ANKRD17: variants seen among roughly 807,000 people sequenced by gnomAD.
ANKRD17 encodes the protein ankyrin repeat domain-containing protein 17.
A neutral mutation model predicts 229.7 loss-of-function variants in ANKRD17; 19 were observed. That is an observed-to-expected ratio of 0.08 (90% confidence interval 0.06 to 0.12). ANKRD17 has a LOEUF of 0.12. Ranked by LOEUF, ANKRD17 falls within the 10% of genes least tolerant of loss-of-function variation. The pLI, the probability that ANKRD17 is intolerant of heterozygous loss-of-function variation, is 1.00. For synonymous variants in ANKRD17, 1,112 were observed against 1,146.1 expected, an observed-to-expected ratio of 0.97 and a Z score of 0.60; for missense variants, 2,176 against 3,176.8, an observed-to-expected ratio of 0.68 and a Z score of 7.57.
rs941919933 is a variant in ANKRD17 at position 73,221,969 on chromosome 4, C to T, written c.393+36307G>A. On this transcript the variant is annotated intron_variant, in intron 1 of 33. Transcript: ENST00000358602. ...CGCATAGGCTTTTTTCTCCTGCTAA[C>T]CCCGCCTAGCTTCCCTTTGCAGCTT... Among the ~76,000 whole-genome samples the T allele has an allele frequency of 2.6e-5, 4 of 152,228 alleles. 1 individual carries two copies. In the South Asian group the frequency reaches 6.2e-4, roughly 24 times the overall value.
intron 24 of ANKRD17, chr4:73,104,135 A>G (rs745552930): frequency 1.3e-5 from 2 of 152,188 alleles, no homozygotes; most frequent in Non-Finnish European, 2.9e-5. Flanking sequence ...AAAGATACAG[A>G]AACTGCCTGC....
chr4:73,173,482 G>C (rs1319859131), intron 2 of ANKRD17, among the ~76,000 whole-genome samples: 1 of 152,112 alleles, frequency 6.6e-6, no homozygotes, highest in Non-Finnish European at 1.5e-5. Flanking sequence ...CACTTGGATG[G>C]GCAGAATAGC....
chr4:73,157,473 T>C lies in ANKRD17; in HGVS notation c.705-1307A>G, dbSNP rs139825251. On this transcript the variant is annotated intron_variant, in intron 3 of 33. Transcript: ENST00000358602. ...CATAAACTTCCCAAAACAATTCCAA[T>C]TGTAGACATTTCTAAAGATTCTCAC... Among the ~76,000 whole-genome samples the C allele has an allele frequency of 3.4e-3, 524 of 152,278 alleles. 10 individuals carry two copies. The highest frequency in any genetic ancestry group is 0.023 in the Admixed American group (349 of 15,286).
rs1730043753 is a variant in ANKRD17 at position 73,144,782 on chromosome 4, A to G, written c.1920T>C (p.Ala640=). The G allele has an allele frequency of 6.2e-7, 1 of 1,606,068 alleles. No individual in the cohort carries two copies. Among genetic ancestry groups the G allele is most frequent in the Admixed American group, 1.7e-5 (1 of 58,806 alleles). Residue 640 remains alanine, a synonymous_variant, in exon 11 of 34, where the codon GCT becomes GCC. Transcript: ENST00000358602. The part of the protein sequence containing the change: ...GRTPLMKAAR[A]GHVCTVQFLI... ...AGAACTGAACAGTACAAACATGACC[A>G]GCTCTTGCAGCTTTCATTAAAGGAG... is the stretch of plus-strand genomic sequence containing the variant.
At chr4:73,204,162 T>C (rs917982585) in intron 1 of ANKRD17, among the ~76,000 whole-genome samples, 13 of 151,740 alleles carry the variant, frequency 8.6e-5, no homozygotes, top group African/African-American at 2.9e-4. Flanking sequence ...ACTGAGACCA[T>C]CCTGGTAACA....
chr4:73,258,791 C>T lies in ANKRD17; in HGVS notation c.-123G>A. 2.2e-6 allele frequency: 3 copies of T among 1,348,108 alleles called. No individual in the cohort carries two copies. The highest frequency in any genetic ancestry group is 2.8e-6 in the Non-Finnish European group (3 of 1,058,262). The allele number at this position is 1,348,108 out of a possible 1,614,324, so 83.5% of individuals were successfully genotyped here. ...GCCTCCGCCGCCACCGCCTCGGTCA[C>T]CTCTACTGCCGCCGCCGCCGCCGCC... On this transcript the variant is annotated 5_prime_UTR_variant, in exon 1 of 34. It adds an upstream start codon to the 5' untranslated region. Coordinates refer to ENST00000358602, the MANE Select transcript of ANKRD17 (RefSeq NM_032217.5).
chr4:73,149,109 T>A (rs571605786), intron 7 of ANKRD17, 59 bp from the exon 8 acceptor site: 4 of 1,410,054 alleles, frequency 2.8e-6, no homozygotes, highest in Non-Finnish European at 3.9e-6. Context: ...CTTGAAAAAT[T>A]TGAAGACTTC....
rs1381563310 is a variant in ANKRD17, at chr4:73,182,991, A to G, written c.394-5458T>C. Among the ~76,000 whole-genome samples, 3 of 152,308 alleles carry G rather than the reference A, an allele frequency of 2.0e-5. No individual in the cohort carries two copies. The East Asian group carries it at 5.8e-4, about 29-fold the overall frequency. On this transcript the variant is annotated intron_variant, in intron 1 of 33. Coordinates refer to ENST00000358602, the MANE Select transcript of ANKRD17 (RefSeq NM_032217.5). ...AGAAAATTAAAAACAACAACAACAA[A>G]AATCATGAAGGAGAAAGAGGTTGAG...
chr4:73,127,299 A>C (rs1456120561), intron 16 of ANKRD17, among the ~76,000 whole-genome samples: 1 of 152,204 alleles, frequency 6.6e-6, no homozygotes, highest in African/African-American at 2.4e-5. Flanking sequence ...TTTAGTATGA[A>C]ATAAAAATGT....
At chr4:73,195,560 G>A (rs868202356) in intron 1 of ANKRD17, among the ~76,000 whole-genome samples, 2 of 151,828 alleles carry the variant, frequency 1.3e-5, no homozygotes, top group African/African-American at 4.8e-5. Flanking sequence ...CCAGGCTGGC[G>A]TGCAGTGGTA....
intron 19 of ANKRD17, 44 bp downstream of exon 19, chr4:73,121,573 A>T: frequency 6.2e-7 from 1 of 1,607,708 alleles, no homozygotes. Context: ...TATCTATAAC[A>T]GTCTTACTAA....
At chr4:73,114,549 T>G (rs1204391763) in intron 23 of ANKRD17, among the ~76,000 whole-genome samples, 1 of 152,130 alleles carries the variant, frequency 6.6e-6, no homozygotes, top group Non-Finnish European at 1.5e-5. Context: ...ATCCTTTAAC[T>G]CCTAGGCTCA....
At chr4:73,239,588 A>G (rs990705490) in intron 1 of ANKRD17, among the ~76,000 whole-genome samples, 5 of 152,188 alleles carry the variant, frequency 3.3e-5, no homozygotes, top group African/African-American at 9.6e-5. Flanking sequence ...ATATATCTGT[A>G]TATGTGTGAA....
At chr4:73,200,043 A>T (rs948724110) in intron 1 of ANKRD17, among the ~76,000 whole-genome samples, 1 of 152,198 alleles carries the variant, frequency 6.6e-6, no homozygotes. Context: ...AACAAAATGG[A>T]TTTAGATTAC....
At chr4:73,217,912 C>G (rs1741297742) in intron 1 of ANKRD17, among the ~76,000 whole-genome samples, 2 of 152,172 alleles carry the variant, frequency 1.3e-5, no homozygotes, top group Non-Finnish European at 2.9e-5. Flanking sequence ...AATCCAAACT[C>G]CAAACACTTC....
Position 73,091,708 on chromosome 4 carries a change from T to A in ANKRD17, c.5920A>T (p.Ser1974Cys). ...CCAGGCACCGTTGAAGCTGATGAAC[T>A]GGTTGTAGTTGTTGGGCTTGAAGTT... ...SLTSSPTTTT[S>C]SSASTVPGTS... The change falls in exon 29 of 34, where the codon AGT becomes TGT. Residue 1974 changes from serine to cysteine, a missense_variant. Ser to Cys is a moderately radical substitution (Grantham distance 112). Coordinates refer to ENST00000358602, the MANE Select transcript of ANKRD17 (RefSeq NM_032217.5). 6.2e-7 allele frequency: 1 copy of A among 1,614,158 alleles called. No individual in the cohort carries two copies. Among genetic ancestry groups the A allele is most frequent in the Non-Finnish European group, 8.5e-7 (1 of 1,180,024 alleles).
At chr4:73,227,929 C>T (rs1742668501) in intron 1 of ANKRD17, among the ~76,000 whole-genome samples, 1 of 151,968 alleles carries the variant, frequency 6.6e-6, no homozygotes, top group East Asian at 1.9e-4. Flanking sequence ...AGTTTCATTC[C>T]TATCAATTTT....
intron 24 of ANKRD17, chr4:73,113,229 AG>A (rs1250481923): frequency 1.6e-6 from 2 of 1,288,874 alleles, no homozygotes; most frequent in Admixed American, 4.6e-5. Flanking sequence ...GAAGTGAAGA[AG>A]CTATAAGACT....
intron 1 of ANKRD17, among the ~76,000 whole-genome samples, chr4:73,240,458 C>CAA (rs34164034): frequency 5.7e-4 from 66 of 114,820 alleles, no homozygotes; most frequent in South Asian, 2.1e-3. Context: ...ACTATCTCTA[C>CAA]AAAAAAAAAA....
Sources: allele counts gnomAD v4.1 joint callset (sites outside exome capture counted in the v4.1 genomes callset), GRCh38; gene constraint gnomAD v4.1.1; transcripts MANE v1.5; gene names NCBI Gene and HGNC (gene_info 2026-07-23, HGNC 2026-07-21).